The following CCDC144A variants were observed in gnomAD, a reference collection of about 807,000 sequenced individuals.
CCDC144A encodes coiled-coil domain-containing protein 144A.
A neutral mutation model predicts 143.8 loss-of-function variants in CCDC144A; 41 were observed. The ratio of observed to expected loss-of-function variants is 0.29; its 90% CI spans 0.22 to 0.37. The LOEUF is 0.37. Among genes scored for constraint, CCDC144A ranks in the 10% least tolerant of loss-of-function variants. The pLI, the probability that CCDC144A is intolerant of heterozygous loss-of-function variation, is 1.00. For missense variants in CCDC144A, 637 were observed against 1,488.8 expected, an observed-to-expected ratio of 0.43 and a Z score of 9.41; for synonymous variants, 242 against 517.9, an observed-to-expected ratio of 0.47 and a Z score of 7.23.
At chr17:16,733,857 G>T (rs1443177490) in intron 11 of CCDC144A, among the ~76,000 whole-genome samples, 2 of 152,172 alleles carry the variant, frequency 1.3e-5, no homozygotes, top group Non-Finnish European at 2.9e-5. Flanking sequence ...TTGGTACAAG[G>T]CCAGGTGCAG....
chr17:16,743,631 A>G (rs1914357319), intron 12 of CCDC144A, among the ~76,000 whole-genome samples: 1 of 151,942 alleles, frequency 6.6e-6, no homozygotes, highest in South Asian at 2.1e-4. Context: ...GAAGAATGTT[A>G]TTGGTGTTTT....
intron 12 of CCDC144A, among the ~76,000 whole-genome samples, chr17:16,754,387 T>C (rs1377267264): frequency 3.9e-5 from 6 of 152,200 alleles, no homozygotes; most frequent in African/African-American, 1.4e-4. Flanking sequence ...TGGATGTAGC[T>C]GTTAATTGCT....
rs925833457 is a variant in CCDC144A at position 16,763,986 on chromosome 17, G to A, written c.3909G>A (p.Glu1303=). 1.2e-6 allele frequency: 2 copies of A among 1,611,674 alleles called. No homozygotes were observed. The highest frequency in any genetic ancestry group is 2.7e-5 in the African/African-American group (2 of 74,778). The change falls in exon 15 of 17, where the codon GAG becomes GAA. Residue 1303 remains glutamate (E), a synonymous_variant. Coordinates refer to ENST00000399273, the MANE Select transcript of CCDC144A (RefSeq NM_001382000.1). ...ELSRTNEMIA[E]VSTQLTVEKE... is the part of the protein sequence containing the mutation. ...ATAGAACTAATGAGATGATAGCAGA[G>A]GTCAGTACGCAACTTACTGTGGAGA...
intron 6 of CCDC144A, among the ~76,000 whole-genome samples, chr17:16,718,167 T>A (rs1912880829): frequency 6.6e-6 from 1 of 152,194 alleles, no homozygotes; most frequent in African/African-American, 2.4e-5. Context: ...GGCTGGTAAC[T>A]TTGACAAGGA....
intron 12 of CCDC144A, among the ~76,000 whole-genome samples, chr17:16,759,877 A>G (rs955253922): frequency 4.6e-5 from 7 of 152,232 alleles, no homozygotes; most frequent in African/African-American, 9.7e-5. Flanking sequence ...CACAATCTGC[A>G]GTTTTAGGCA....
chr17:16,712,130 CA>C (rs71355518), intron 6 of CCDC144A: 4,382 of 174,524 alleles, frequency 0.025, no homozygotes, highest in South Asian at 0.066. Flanking sequence ...AACTCCATTT[CA>C]AAAAAAAAAA....
At chr17:16,755,984 A>G (rs1409802827) in intron 12 of CCDC144A, among the ~76,000 whole-genome samples, 2 of 152,198 alleles carry the variant, frequency 1.3e-5, no homozygotes, top group African/African-American at 4.8e-5. Context: ...TCTGCTGACA[A>G]ATATGCTATT....
intron 12 of CCDC144A, among the ~76,000 whole-genome samples, chr17:16,742,601 G>A (rs1914307216): frequency 6.6e-6 from 1 of 152,102 alleles, no homozygotes; most frequent in Non-Finnish European, 1.5e-5. Flanking sequence ...TGGATCATAT[G>A]ACACTTCTAT....
chr17:16,696,833 T>C (rs1469898121), intron 2 of CCDC144A, among the ~76,000 whole-genome samples: 1 of 151,902 alleles, frequency 6.6e-6, no homozygotes, highest in Admixed American at 6.6e-5. Context: ...TCTGTTTTCA[T>C]GGCTGACTAA....
chr17:16,683,418 C>T, the CCDC144A span: 2 of 971,374 alleles, frequency 2.1e-6, no homozygotes, highest in South Asian at 1.6e-5. Flanking sequence ...AAAATGCTTC[C>T]TGGTGCCGGG....
chr17:16,767,844 A>G (rs1355827217), intron 15 of CCDC144A, among the ~76,000 whole-genome samples: 1 of 152,226 alleles, frequency 6.6e-6, no homozygotes, highest in East Asian at 1.9e-4. Flanking sequence ...TGCATCTCTC[A>G]CCCCATTATA....
chr17:16,730,200 C>T (rs1913674733), intron 9 of CCDC144A, among the ~76,000 whole-genome samples: 1 of 114,760 alleles, frequency 8.7e-6, no homozygotes, highest in African/African-American at 3.8e-5. Context: ...CATTCTTCTA[C>T]ATGTGGCTAT....
At chr17:16,767,461 A>G (rs1191303508) in intron 15 of CCDC144A, among the ~76,000 whole-genome samples, 1 of 148,088 alleles carries the variant, frequency 6.8e-6, no homozygotes, top group South Asian at 2.2e-4. Context: ...CAGCTAATAC[A>G]AGGAGGAGGA....
intron 11 of CCDC144A, among the ~76,000 whole-genome samples, chr17:16,733,712 A>C (rs1373137426): frequency 6.6e-6 from 1 of 151,492 alleles, no homozygotes; most frequent in Non-Finnish European, 1.5e-5. Context: ...CACAACACAG[A>C]AGTAATTGTG....
At chr17:16,731,468 T>A (rs1386361652) in intron 9 of CCDC144A, 1 of 203,624 alleles carries the variant, frequency 4.9e-6, no homozygotes, top group Non-Finnish European at 1.0e-5. Context: ...TTCTAATTAA[T>A]TTTCAACTTG....
chr17:16,777,291 C>T lies in CCDC144A; in HGVS notation c.*3658C>T, dbSNP rs1262783800. The T allele has an allele frequency of 6.7e-6, 1 of 150,204 alleles. No homozygotes were observed. Among genetic ancestry groups the T allele is most frequent in the African/African-American group, 2.5e-5 (1 of 40,298 alleles). The allele number at this position is 150,204 out of a possible 1,614,324, so 9.3% of individuals were successfully genotyped here. On this transcript the variant is annotated 3_prime_UTR_variant, in exon 17 of 17. Coordinates refer to ENST00000399273, the MANE Select transcript of CCDC144A (RefSeq NM_001382000.1). ...GGATGTTAATACTCCGCTGGCAGCACTAGGCAGATCACCAAGACAGAAAGT... is the reference window on the plus strand; with the variant it reads ...GGATGTTAATACTCCGCTGGCAGCATTAGGCAGATCACCAAGACAGAAAGT...
At chr17:16,691,638 G>C (rs1003128752) in intron 1 of CCDC144A, among the ~76,000 whole-genome samples, 8 of 152,072 alleles carry the variant, frequency 5.3e-5, no homozygotes, top group Non-Finnish European at 1.2e-4. Flanking sequence ...GGTGGTGGGC[G>C]CCTGTAGTCC....
intron 15 of CCDC144A, among the ~76,000 whole-genome samples, chr17:16,769,642 T>C (rs1915746179): frequency 6.6e-6 from 1 of 152,152 alleles, no homozygotes; most frequent in African/African-American, 2.4e-5. Context: ...AAGTTTTCTG[T>C]TCTGCGGTTT....
intron 9 of CCDC144A, among the ~76,000 whole-genome samples, chr17:16,729,165 A>G (rs1404852823): frequency 6.6e-6 from 1 of 152,172 alleles, no homozygotes; most frequent in Non-Finnish European, 1.5e-5. Flanking sequence ...AAATCTGTCT[A>G]CTGTTTTTCA....
Sources: allele counts gnomAD v4.1 joint callset (sites outside exome capture counted in the v4.1 genomes callset), GRCh38; gene constraint gnomAD v4.1.1; transcripts MANE v1.5; gene names NCBI Gene and HGNC (gene_info 2026-07-23, HGNC 2026-07-21).